UNC5D: variants seen among roughly 807,000 people sequenced by gnomAD.
The protein encoded by UNC5D is unc-5 netrin receptor D.
UNC5D carries 39 observed loss-of-function variants against 105.4 expected under a neutral mutation model. The observed-to-expected ratio is 0.37, with a 90% CI of 0.29 to 0.48. The LOEUF is 0.48. UNC5D is among the 20% of genes least tolerant of loss of function. The pLI is 0.98. For synonymous variants in UNC5D, 452 were observed against 450.4 expected (o/e 1.00, Z -0.04); for missense variants, 991 against 1,202.4 (o/e 0.82, Z 2.60).
At chr8:35,405,445 C>A (rs1211061285) in intron 1 of UNC5D, among the ~76,000 whole-genome samples, 1 of 152,094 alleles carries the variant, frequency 6.6e-6, no homozygotes, top group Non-Finnish European at 1.5e-5. Context: ...TTACCTTGTG[C>A]CAGATTTTGA....
At chr8:35,555,016 C>T (rs1816436725) in intron 2 of UNC5D, among the ~76,000 whole-genome samples, 1 of 152,140 alleles carries the variant, frequency 6.6e-6, no homozygotes, top group South Asian at 2.1e-4. Context: ...TGTTGCTCTG[C>T]TGGTAATGGG....
intron 1 of UNC5D, among the ~76,000 whole-genome samples, chr8:35,369,682 G>A (rs1802319429): frequency 6.6e-6 from 1 of 152,072 alleles, no homozygotes. Flanking sequence ...CAACCTCTCT[G>A]GGAGTAGGCA....
chr8:35,643,091 G>T (rs888093883), intron 4 of UNC5D, among the ~76,000 whole-genome samples: 3 of 152,152 alleles, frequency 2.0e-5, no homozygotes, highest in Non-Finnish European at 4.4e-5. Flanking sequence ...TGGCTTCTCA[G>T]CCTCGGCACT....
At chr8:35,337,195 T>G (rs1811108708) in intron 1 of UNC5D, among the ~76,000 whole-genome samples, 1 of 152,176 alleles carries the variant, frequency 6.6e-6, no homozygotes, top group South Asian at 2.1e-4. Flanking sequence ...ATGGACGTCT[T>G]CGATATATTT....
chr8:35,471,523 T>C (rs1413141372), intron 1 of UNC5D, among the ~76,000 whole-genome samples: 3 of 152,288 alleles, frequency 2.0e-5, no homozygotes. Context: ...CTGTATTAAC[T>C]CAAGTTCCCC....
At chr8:35,643,988 A>G (rs1489351382) in intron 4 of UNC5D, among the ~76,000 whole-genome samples, 1 of 152,122 alleles carries the variant, frequency 6.6e-6, no homozygotes, top group Non-Finnish European at 1.5e-5. Flanking sequence ...GTAGAGAACA[A>G]TAAAGCTGTT....
intron 3 of UNC5D, among the ~76,000 whole-genome samples, chr8:35,577,635 A>C (rs1210565504): frequency 6.6e-6 from 1 of 152,264 alleles, no homozygotes; most frequent in Admixed American, 6.5e-5. Flanking sequence ...TTGTAAAGAC[A>C]TCTGTGAAAT....
At chr8:35,252,816 T>C (rs1803801375) in intron 1 of UNC5D, among the ~76,000 whole-genome samples, 1 of 152,170 alleles carries the variant, frequency 6.6e-6, no homozygotes, top group East Asian at 1.9e-4. Flanking sequence ...TGCTATCTTT[T>C]CCAGATACTG....
At chr8:35,740,739 C>T (rs994621728) in intron 11 of UNC5D, among the ~76,000 whole-genome samples, 1 of 152,120 alleles carries the variant, frequency 6.6e-6, no homozygotes, top group Non-Finnish European at 1.5e-5. Flanking sequence ...CTATCCCAAC[C>T]ATGAGTAACA....
chr8:35,424,071 A>G (rs1315373766), intron 1 of UNC5D, among the ~76,000 whole-genome samples: 1 of 152,164 alleles, frequency 6.6e-6, no homozygotes, highest in South Asian at 2.1e-4. Context: ...AAGTGCTGGG[A>G]TTATATACAT....
intron 3 of UNC5D, among the ~76,000 whole-genome samples, chr8:35,582,279 T>A (rs1818510412): frequency 6.6e-6 from 1 of 152,174 alleles, no homozygotes; most frequent in Non-Finnish European, 1.5e-5. Context: ...TCACCGCCAT[T>A]GTTCATTCAC....
At chr8:35,315,715 T>A (rs1046479914) in intron 1 of UNC5D, among the ~76,000 whole-genome samples, 2 of 152,170 alleles carry the variant, frequency 1.3e-5, no homozygotes, top group Non-Finnish European at 2.9e-5. Flanking sequence ...ATGAGGCACA[T>A]GTTATTGTTG....
chr8:35,709,394 T>C (rs1049033159), intron 8 of UNC5D, among the ~76,000 whole-genome samples: 90 of 152,096 alleles, frequency 5.9e-4, no homozygotes, highest in African/African-American at 2.1e-3. Context: ...GGGGTTTCTA[T>C]AATAAAGTTA....
rs528282244 is a variant in UNC5D, at chr8:35,782,008, A to G, written c.2657+7531A>G. Among the ~76,000 whole-genome samples, 77 of 152,356 alleles carry G rather than the reference A, an allele frequency of 5.1e-4. 1 individual carries two copies. The highest frequency in any genetic ancestry group is 1.8e-3 in the African/African-American group (75 of 41,596). On this transcript the variant is annotated intron_variant, in intron 16 of 16. Transcript: ENST00000404895. ...GCAGACTGGAACTCAGCATGTTTTC[A>G]GGTGCCCATGTCCTTCCCTTTCGGG...
chr8:35,475,244 AG>A lies in UNC5D; in HGVS notation c.104-74045del, dbSNP rs1192700905. Among the ~76,000 whole-genome samples the A allele has an allele frequency of 2.0e-5, 3 of 152,292 alleles. No individual in the cohort carries two copies. The East Asian group carries it at 5.8e-4, about 29-fold the overall frequency. ...AATTGAGGGGACCCCAATGAGACAG[AG>A]GGATAAAGGCCGAAGGAGAGCCAGG... is the stretch of plus-strand genomic sequence containing the variant. On this transcript the variant is annotated intron_variant, in intron 1 of 16. Coordinates refer to ENST00000404895, the MANE Select transcript of UNC5D (RefSeq NM_080872.4).
chr8:35,288,510 A>G (rs775119856), intron 1 of UNC5D, among the ~76,000 whole-genome samples: 1 of 152,312 alleles, frequency 6.6e-6, no homozygotes, highest in African/African-American at 2.4e-5. Context: ...ATAACAAAAG[A>G]TATGTGAATG....
intron 1 of UNC5D, among the ~76,000 whole-genome samples, chr8:35,397,528 A>C (rs1804184373): frequency 6.6e-6 from 1 of 152,202 alleles, no homozygotes; most frequent in Admixed American, 6.5e-5. Context: ...GTGTAATTAC[A>C]CACACAGCAG....
At chr8:35,713,049 T>G (rs543615306) in intron 8 of UNC5D, among the ~76,000 whole-genome samples, 1 of 152,322 alleles carries the variant, frequency 6.6e-6, no homozygotes, top group African/African-American at 2.4e-5. Context: ...TTTGTATTTT[T>G]TTTTTACTAT....
chr8:35,656,180 C>T (rs976600050), intron 4 of UNC5D, among the ~76,000 whole-genome samples: 4 of 152,140 alleles, frequency 2.6e-5, no homozygotes, highest in African/African-American at 9.7e-5. Flanking sequence ...TTCCACAAAC[C>T]ACTGCTTACT....
Sources: allele counts gnomAD v4.1 joint callset (sites outside exome capture counted in the v4.1 genomes callset), GRCh38; gene constraint gnomAD v4.1.1; transcripts MANE v1.5; gene names NCBI Gene and HGNC (gene_info 2026-07-23, HGNC 2026-07-21).